KCNQ5: variants seen among roughly 807,000 people sequenced by gnomAD.
KCNQ5 encodes potassium voltage-gated channel subfamily Q member 5.
KCNQ5 carries 30 observed loss-of-function variants against 98.2 expected under a neutral mutation model. The observed-to-expected ratio is 0.31, with a 90% CI of 0.23 to 0.41. The LOEUF is 0.41. Ranked by LOEUF, KCNQ5 falls within the 10% of genes least tolerant of loss-of-function variation. KCNQ5 has a pLI of 1.00. For missense variants in KCNQ5, 835 were observed against 1,182.5 expected (o/e 0.71, Z 4.31); for synonymous variants, 458 against 449.4 (o/e 1.02, Z -0.24).
chr6:73,055,250 T>G, intron 3 of KCNQ5: 2 of 1,287,954 alleles, frequency 1.6e-6, no homozygotes, highest in Admixed American at 3.4e-5. Context: ...GTTTGACATC[T>G]GCTTCACCTC....
intron 1 of KCNQ5, among the ~76,000 whole-genome samples, chr6:72,624,774 T>C (rs1196071134): frequency 1.3e-5 from 2 of 152,254 alleles, no homozygotes; most frequent in Non-Finnish European, 2.9e-5. Context: ...ATATCCACAT[T>C]AGCACAAAGA....
chr6:73,104,217 GA>G (rs1264838054), intron 5 of KCNQ5, among the ~76,000 whole-genome samples: 1 of 151,796 alleles, frequency 6.6e-6, no homozygotes, highest in Non-Finnish European at 1.5e-5. Context: ...AAAGATTCCA[GA>G]AAAAAACTGC....
Position 73,067,088 on chromosome 6 carries a change from T to C in KCNQ5, c.617-10234T>C, listed in dbSNP as rs1773087534. On this transcript the variant is annotated intron_variant, in intron 3 of 13. Coordinates refer to ENST00000370398, the MANE Select transcript of KCNQ5 (RefSeq NM_019842.4). ...TACCTGAATATCAACTATTTGCACG[T>C]AGTTATATTCCCTATTCTTGATAAT... 2.0e-5 allele frequency among the ~76,000 whole-genome samples: 3 copies of C among 152,208 alleles called. No homozygotes were observed. The South Asian group carries it at 6.2e-4, about 31-fold the overall frequency.
chr6:72,774,608 AACACACACAC>A (rs150113759), intron 1 of KCNQ5, among the ~76,000 whole-genome samples: 1 of 149,624 alleles, frequency 6.7e-6, no homozygotes, highest in Non-Finnish European at 1.5e-5. Flanking sequence ...CCAGTATATA[AACACACACAC>A]ACACACACAC....
chr6:72,722,809 G>A (rs1469472666), intron 1 of KCNQ5, among the ~76,000 whole-genome samples: 2 of 149,702 alleles, frequency 1.3e-5, no homozygotes, highest in Non-Finnish European at 1.5e-5. Flanking sequence ...AATAATAATA[G>A]CAAAGTAGTA....
chr6:73,159,636 A>G (rs538608222), intron 10 of KCNQ5, among the ~76,000 whole-genome samples: 1 of 152,314 alleles, frequency 6.6e-6, no homozygotes, highest in East Asian at 1.9e-4. Flanking sequence ...TGCAAATTAA[A>G]TCGGTACAAG....
In KCNQ5 at chr6:73,106,068, T is replaced by TA. The variant is rs147213770; in HGVS notation, c.1029+706dup. Among the ~76,000 whole-genome samples the TA allele has an allele frequency of 4.8e-3, 723 of 152,150 alleles. 9 individuals carry two copies. The highest frequency in any genetic ancestry group is 0.016 in the African/African-American group (680 of 41,478). Reference sequence around the variant, plus strand: ...TCTGGGGTAGGGAAGGAGGAGCCAATAAAAAGGAGGGTTAACGCGGTGGGA... The same window carrying TA: ...TCTGGGGTAGGGAAGGAGGAGCCAATAAAAAAGGAGGGTTAACGCGGTGGGA... On this transcript the variant is annotated intron_variant, in intron 6 of 13. Transcript: ENST00000370398.
intron 1 of KCNQ5, among the ~76,000 whole-genome samples, chr6:72,910,191 T>C (rs1779873686): frequency 1.3e-5 from 2 of 152,326 alleles, no homozygotes; most frequent in African/African-American, 4.8e-5. Context: ...TTATTATTTA[T>C]AATATTAAGT....
intron 11 of KCNQ5, among the ~76,000 whole-genome samples, chr6:73,183,346 A>G (rs1429380616): frequency 6.6e-6 from 1 of 152,204 alleles, no homozygotes; most frequent in African/African-American, 2.4e-5. Context: ...TCAAAGGTGG[A>G]AAATTCTTAG....
chr6:72,904,333 C>T (rs185119871), intron 1 of KCNQ5, among the ~76,000 whole-genome samples: 3 of 152,216 alleles, frequency 2.0e-5, no homozygotes, highest in Non-Finnish European at 4.4e-5. Context: ...TTAAGTGGAG[C>T]ATTTAGGCCA....
At chr6:73,140,486 C>A (rs1013507318) in intron 10 of KCNQ5, among the ~76,000 whole-genome samples, 4 of 152,162 alleles carry the variant, frequency 2.6e-5, no homozygotes, top group African/African-American at 9.7e-5. Context: ...AGAAATAATT[C>A]TTGTTAAAGC....
At chr6:73,151,746 C>T (rs1381173884) in intron 10 of KCNQ5, among the ~76,000 whole-genome samples, 1 of 152,206 alleles carries the variant, frequency 6.6e-6, no homozygotes, top group East Asian at 1.9e-4. Context: ...TACTGCACAG[C>T]CATTATCTTT....
At chr6:72,940,791 C>T (rs771711762) in intron 1 of KCNQ5, among the ~76,000 whole-genome samples, 17 of 152,116 alleles carry the variant, frequency 1.1e-4, no homozygotes, top group Admixed American at 2.0e-4. Context: ...AACTCTTAGC[C>T]TTAGTGTTCC....
intron 1 of KCNQ5, among the ~76,000 whole-genome samples, chr6:72,726,282 C>T (rs1264611299): frequency 6.7e-6 from 1 of 150,360 alleles, no homozygotes; most frequent in African/African-American, 2.4e-5. Context: ...GCGATCTCGG[C>T]TCACTGCAAC....
chr6:72,864,856 GT>G (rs1562033287), intron 1 of KCNQ5, among the ~76,000 whole-genome samples: 1 of 151,814 alleles, frequency 6.6e-6, no homozygotes, highest in Non-Finnish European at 1.5e-5. Flanking sequence ...GATTGTTTTT[GT>G]TTAAACATTT....
At chr6:72,837,774 AACATGTTATATAT>A (rs144142650) in intron 1 of KCNQ5, among the ~76,000 whole-genome samples, 7,602 of 152,230 alleles carry the variant, frequency 0.05, 279 homozygotes, top group Middle Eastern at 0.082. Flanking sequence ...TATATGTTTA[AACATGTTATATAT>A]ACATGTTATA....
chr6:72,639,392 A>G (rs137935568), intron 1 of KCNQ5, among the ~76,000 whole-genome samples: 1 of 152,208 alleles, frequency 6.6e-6, no homozygotes, highest in Non-Finnish European at 1.5e-5. Flanking sequence ...AGTGGACAGC[A>G]TGTGCAGTGC....
At chr6:72,684,843 T>G (rs1565078391) in intron 1 of KCNQ5, among the ~76,000 whole-genome samples, 1 of 152,206 alleles carries the variant, frequency 6.6e-6, no homozygotes, top group South Asian at 2.1e-4. Context: ...TGTGTCTGTG[T>G]GTGTGTATGT....
intron 1 of KCNQ5, chr6:72,987,620 TG>T: frequency 3.7e-6 from 1 of 271,984 alleles, no homozygotes; most frequent in Non-Finnish European, 6.7e-6. Flanking sequence ...CAGCAGAACC[TG>T]CAGCAGGACT....
Sources: gnomAD v4.1 joint callset for allele counts (sites outside exome capture counted in the v4.1 genomes callset) on GRCh38, gnomAD v4.1.1 for gene constraint, MANE v1.5 for transcripts, NCBI Gene and HGNC (gene_info 2026-07-23, HGNC 2026-07-21) for gene names.